MYLK: variants seen among roughly 807,000 people sequenced by gnomAD.
MYLK encodes myosin light chain kinase, smooth muscle.
MYLK carries 106 observed loss-of-function variants against 203.4 expected under a neutral mutation model. That is an observed-to-expected ratio of 0.52 (90% CI 0.45 to 0.61). The LOEUF (loss-of-function observed/expected upper bound fraction) is 0.61. MYLK is among the 20% of genes least tolerant of loss of function. The pLI is 0.00. For synonymous variants in MYLK, 867 were observed against 959.5 expected, an observed-to-expected ratio of 0.90 and a Z score of 1.78; for missense variants, 2,072 against 2,442.3, an observed-to-expected ratio of 0.85 and a Z score of 3.20.
chr3:123,871,645 T>C (rs1050464590), intron 2 of MYLK, among the ~76,000 whole-genome samples: 10 of 152,078 alleles, frequency 6.6e-5, no homozygotes, highest in Non-Finnish European at 1.3e-4. Context: ...GACAGTCCTA[T>C]ATTTATTAAA....
rs542135462 is a variant in MYLK, at chr3:123,740,434, G to A, written c.374-433C>T. ...CTCCAGAACATTTTCTCAGTTAAAG[G>A]GAGGGAGGGAAAGGCCCATGCCTAT... On this transcript the variant is annotated intron_variant, in intron 5 of 33. Coordinates refer to ENST00000360304, the MANE Select transcript of MYLK (RefSeq NM_053025.4). Among the ~76,000 whole-genome samples, 123 of 152,326 alleles carry A rather than the reference G, an allele frequency of 8.1e-4. No homozygotes were observed. The South Asian group carries it at 0.013, about 16-fold the overall frequency.
At chr3:123,673,712 T>C (rs2059989889) in intron 20 of MYLK, among the ~76,000 whole-genome samples, 1 of 152,180 alleles carries the variant, frequency 6.6e-6, no homozygotes, top group Non-Finnish European at 1.5e-5. Flanking sequence ...CTTATTATCT[T>C]ATTATTCCTG....
rs147983765 is a variant in MYLK at position 123,637,905 on chromosome 3, T to G, written c.4961+166A>C. ...ACTCCCTGGGAGCCCAGGAGCAGGG[T>G]GGGCTGCCAGGGATAGGAGGGGAGC... is the stretch of plus-strand genomic sequence containing the variant. On this transcript the variant is annotated intron_variant, in intron 29 of 33. Transcript: ENST00000360304. Among the ~76,000 whole-genome samples the G allele has an allele frequency of 2.9e-3, 442 of 152,126 alleles. 4 individuals are homozygous for G. Among genetic ancestry groups the G allele is most frequent in the African/African-American group, 0.01 (420 of 41,512 alleles).
intron 19 of MYLK, chr3:123,691,764 G>A (rs2060678764): frequency 6.6e-6 from 1 of 152,246 alleles, no homozygotes; most frequent in South Asian, 2.1e-4. Flanking sequence ...ATGTGTCTCT[G>A]ATGGTTATTA....
chr3:123,860,853 G>A (rs556432089), intron 2 of MYLK, among the ~76,000 whole-genome samples: 4 of 152,246 alleles, frequency 2.6e-5, no homozygotes, highest in East Asian at 3.9e-4. Context: ...GACACAGGCC[G>A]GGCACAGTGG....
intron 4 of MYLK, among the ~76,000 whole-genome samples, chr3:123,776,421 C>A (rs544501945): frequency 4.6e-5 from 7 of 152,066 alleles, no homozygotes; most frequent in Non-Finnish European, 1.0e-4. Flanking sequence ...CTCTCTTCTG[C>A]CAACTAATCA....
chr3:123,813,604 G>A (rs565989456), intron 3 of MYLK, among the ~76,000 whole-genome samples: 8 of 151,922 alleles, frequency 5.3e-5, no homozygotes, highest in South Asian at 4.2e-4. Context: ...TCTGCCTCCC[G>A]GGTTCAAGCG....
intron 3 of MYLK, among the ~76,000 whole-genome samples, chr3:123,816,643 GA>G (rs1425078789): frequency 2.6e-5 from 4 of 152,198 alleles, no homozygotes; most frequent in Non-Finnish European, 5.9e-5. Context: ...AAAAAAACTA[GA>G]CAGACTTTCT....
chr3:123,822,971 G>A lies in MYLK; in HGVS notation c.-4+8577C>T, dbSNP rs1441627631. Among the ~76,000 whole-genome samples the A allele has an allele frequency of 3.9e-5, 6 of 152,260 alleles. No individual in the cohort carries two copies. The East Asian group carries it at 9.7e-4, about 25-fold the overall frequency. ...AAGAAATCATCCCTGGCTTCAATGAGGTTCCAGTTTAATGGGGGAAGATGA... is the reference window on the plus strand; with the variant it reads ...AAGAAATCATCCCTGGCTTCAATGAAGTTCCAGTTTAATGGGGGAAGATGA... On this transcript the variant is annotated intron_variant, in intron 3 of 33. Coordinates refer to ENST00000360304, the MANE Select transcript of MYLK (RefSeq NM_053025.4).
At chr3:123,852,677 C>CTCAATCT (rs1560291153) in intron 2 of MYLK, among the ~76,000 whole-genome samples, 1 of 152,022 alleles carries the variant, frequency 6.6e-6, no homozygotes. Flanking sequence ...TTTCAAAAAA[C>CTCAATCT]CAGCTCCTGA....
intron 3 of MYLK, among the ~76,000 whole-genome samples, chr3:123,814,683 A>AG (rs1414597033): frequency 6.6e-6 from 1 of 152,236 alleles, no homozygotes; most frequent in African/African-American, 2.4e-5. Context: ...ATCATATTCT[A>AG]GCAAGTAGAC....
intron 33 of MYLK, chr3:123,616,534 G>A (rs2107836329): frequency 6.6e-6 from 1 of 152,192 alleles, no homozygotes; most frequent in African/African-American, 2.4e-5. Context: ...TGTTGGTGAA[G>A]TATTTTTATA....
In MYLK at chr3:123,722,062, C is replaced by T. The variant is rs563607976; in HGVS notation, c.1804+66G>A. ...CATGATACCATTTTCTACAAATGTG[C>T]CCTTCCTCCAAAGCAGAAGTGCCTG... On this transcript the variant is annotated intron_variant, in intron 13 of 33. Coordinates refer to ENST00000360304, the MANE Select transcript of MYLK (RefSeq NM_053025.4). 21 of 1,543,346 alleles carry T rather than the reference C, an allele frequency of 1.4e-5. No homozygotes were observed. In the African/African-American group the frequency reaches 2.3e-4, roughly 17 times the overall value.
chr3:123,817,144 G>A (rs548825958), intron 3 of MYLK, among the ~76,000 whole-genome samples: 1 of 152,268 alleles, frequency 6.6e-6, no homozygotes, highest in South Asian at 2.1e-4. Context: ...ATTCCTCAGG[G>A]TTATGAGGAT....
At chr3:123,646,039 G>A (rs113631838) in intron 27 of MYLK, among the ~76,000 whole-genome samples, 5,890 of 152,200 alleles carry the variant, frequency 0.039, 140 homozygotes, top group Middle Eastern at 0.075. Flanking sequence ...TGGGAGGATC[G>A]CTTGAACCTG....
chr3:123,698,312 A>G (rs1456623347), intron 18 of MYLK, among the ~76,000 whole-genome samples: 1 of 152,214 alleles, frequency 6.6e-6, no homozygotes, highest in African/African-American at 2.4e-5. Flanking sequence ...GAACTGCAAG[A>G]GAGGCCATGC....
chr3:123,692,325 C>T, intron 19 of MYLK: 2 of 1,162,760 alleles, frequency 1.7e-6, no homozygotes, highest in Non-Finnish European at 2.2e-6. Context: ...TCTGCTCCCT[C>T]CTCCTCACGG....
intron 24 of MYLK, among the ~76,000 whole-genome samples, chr3:123,652,988 C>G (rs554099158): frequency 5.6e-4 from 86 of 152,214 alleles, no homozygotes; most frequent in Non-Finnish European, 1.0e-3. Flanking sequence ...GGGCACAGAA[C>G]ACATGGTGAG....
Position 123,722,141 on chromosome 3 carries a change from C to T in MYLK, c.1791G>A (p.Trp597Ter), listed in dbSNP as rs1189195616. The change falls in exon 13 of 34, where the codon TGG (tryptophan) becomes TGA (stop). Residue 597 changes from tryptophan to a stop codon, truncating the protein, a stop_gained. Coordinates refer to ENST00000360304, the MANE Select transcript of MYLK (RefSeq NM_053025.4). LOFTEE classifies it high-confidence loss of function. ...AGAGGCTCCTACCATGGACGGTGACCCAGGCGCTGCAGGACACCTGCCCCA... is the reference window on the plus strand; with the variant it reads ...AGAGGCTCCTACCATGGACGGTGACTCAGGCGCTGCAGGACACCTGCCCCA... ...NALGQVSCSAWVTVHEKKSSR... is the reference protein window; with the variant it reads ...NALGQVSCSA 1.3e-6 allele frequency: 2 copies of T among 1,566,452 alleles called. No individual in the cohort carries two copies. The highest frequency in any genetic ancestry group is 1.7e-6 in the Non-Finnish European group (2 of 1,155,412).
Sources: gnomAD v4.1 joint callset for allele counts (sites outside exome capture counted in the v4.1 genomes callset) on GRCh38, gnomAD v4.1.1 for gene constraint, MANE v1.5 for transcripts, NCBI Gene and HGNC (gene_info 2026-07-23, HGNC 2026-07-21) for gene names.